Variants in SLC8A2 observed in about 807,000 individuals in gnomAD.
SLC8A2 encodes solute carrier family 8 member A2.
SLC8A2 carries 14 observed loss-of-function variants against 70.2 expected under a neutral mutation model. That is an observed-to-expected ratio of 0.20 (90% CI 0.13 to 0.31). SLC8A2 has a LOEUF of 0.31. Ranked by LOEUF, SLC8A2 falls within the 10% of genes least tolerant of loss-of-function variation. The pLI, the probability that SLC8A2 is intolerant of heterozygous loss-of-function variation, is 1.00. For synonymous variants in SLC8A2, 575 were observed against 594.3 expected (o/e 0.97, Z 0.47); for missense variants, 779 against 1,320.1 (o/e 0.59, Z 6.35).
intron 7 of SLC8A2, 121 bp from the exon 8 acceptor site, chr19:47,437,682 C>T (rs977689218): frequency 5.4e-5 from 62 of 1,142,950 alleles, no homozygotes; most frequent in South Asian, 3.8e-4. Context: ...TCCACACCCC[C>T]GTTCTGAAGG....
chr19:47,463,237 A>G (rs1354781190), intron 2 of SLC8A2, among the ~76,000 whole-genome samples: 1 of 151,418 alleles, frequency 6.6e-6, no homozygotes, highest in African/African-American at 2.4e-5. Context: ...GGTTCACGCT[A>G]TTCTCCTGCC....
At chr19:47,451,914 AGATTTG>A (rs1967239393) in intron 3 of SLC8A2, among the ~76,000 whole-genome samples, 3 of 152,192 alleles carry the variant, frequency 2.0e-5, no homozygotes, top group African/African-American at 7.2e-5. Flanking sequence ...GAGACTAAAG[AGATTTG>A]ACAGGGAAAT....
Position 47,457,070 on chromosome 19 carries a change from A to C in SLC8A2, c.1200T>G (p.Pro400=). The C allele has an allele frequency of 6.3e-7, 1 of 1,592,368 alleles. No homozygotes were observed. Among genetic ancestry groups the C allele is most frequent in the Non-Finnish European group, 8.5e-7 (1 of 1,169,888 alleles). ...DDGASRIFFE[P]SLYHCLENCG... ...AGTTCTCCAGGCAGTGGTAGAGGCT[A>C]GGCTCGAAGAAGATGCGGCTGGCGC... is the stretch of plus-strand genomic sequence containing the variant. The change falls in exon 3 of 10, where the codon CCT becomes CCG. Residue 400 remains proline, a synonymous_variant. Transcript: ENST00000236877.
chr19:47,441,842 G>A (rs548881333), intron 4 of SLC8A2, among the ~76,000 whole-genome samples: 6 of 152,266 alleles, frequency 3.9e-5, no homozygotes, highest in South Asian at 2.1e-4. Context: ...GGTGGCTCAC[G>A]CCTGTAATCC....
In SLC8A2 at chr19:47,430,904, A is replaced by G. The variant is rs980583480; in HGVS notation, c.2390-439T>C. 3.9e-5 allele frequency among the ~76,000 whole-genome samples: 6 copies of G among 151,928 alleles called. No homozygotes were observed. The highest frequency in any genetic ancestry group is 3.9e-4 in the Admixed American group (6 of 15,270). On this transcript the variant is annotated intron_variant, in intron 9 of 9. Coordinates refer to ENST00000236877, the MANE Select transcript of SLC8A2 (RefSeq NM_015063.3). This position sits in a 1 kb window ranked among gnomAD's most constrained non-coding sequence, Gnocchi z 5.9. ...CGCCCTGCTAAGATTTTGTGTTTTT[A>G]GTAGAGACGGGGTTTCACCATGTTG...
rs766548762 is a variant in SLC8A2, at chr19:47,465,859, T to C, written c.545A>G (p.Tyr182Cys). Reference protein sequence around the residue: ...NMFVVIAVCIYVIPAGESRKI... With the variant: ...NMFVVIAVCICVIPAGESRKI... ...GCGGCTCTCGCCGGCTGGGATGACG[T>C]AGATGCACACGGCGATGACCACAAA... The change falls in exon 2 of 10, where the codon TAC becomes TGC. Residue 182 changes from tyrosine (Y) to cysteine (C), a missense_variant. Physicochemically the swap from Tyr to Cys is radical, Grantham distance 194. Transcript: ENST00000236877. The surrounding 1 kb of genome is among the most constrained non-coding windows in gnomAD (Gnocchi z 5.5). The C allele has an allele frequency of 1.9e-6, 3 of 1,614,076 alleles. No homozygotes were observed. The Admixed American group carries it at 5.0e-5, about 27-fold the overall frequency.
In SLC8A2 at chr19:47,465,835, C is replaced by T; in HGVS notation, c.569G>A (p.Arg190His). 1.9e-6 allele frequency: 3 copies of T among 1,614,154 alleles called. No homozygotes were observed. Among genetic ancestry groups the T allele is most frequent in the Non-Finnish European group, 2.5e-6 (3 of 1,180,024 alleles). The change falls in exon 2 of 10, where the codon CGC becomes CAC. Residue 190 changes from arginine to histidine, a missense_variant. Arg to His is a conservative substitution (Grantham distance 29). This residue lies in a region of SLC8A2 where 155 missense variants were observed against 318.6 expected (regional missense o/e 0.49). Coordinates refer to ENST00000236877, the MANE Select transcript of SLC8A2 (RefSeq NM_015063.3). The surrounding 1 kb of genome is among the most constrained non-coding windows in gnomAD (Gnocchi z 5.5). The part of the protein sequence containing the change: ...CIYVIPAGES[R>H]KIKHLRVFFV... ...GAAGACTCTCAGGTGCTTGATCTTGCGGCTCTCGCCGGCTGGGATGACGTA... is the reference window on the plus strand; with the variant it reads ...GAAGACTCTCAGGTGCTTGATCTTGTGGCTCTCGCCGGCTGGGATGACGTA...
rs1967545276 is a variant in SLC8A2, at chr19:47,471,829, T to A, written c.-57A>T. 6.7e-6 allele frequency: 1 copy of A among 149,546 alleles called. No homozygotes were observed. The highest frequency in any genetic ancestry group is 1.5e-5 in the Non-Finnish European group (1 of 67,590). The allele number at this position is 149,546 out of a possible 1,614,324, so 9.3% of individuals were successfully genotyped here. The stretch of plus-strand genomic sequence containing the variant: ...GGAGCAGGTCCCCCCAGCGCTGGGC[T>A]GGCAGTGGTGGGCGACTCCGCCCGA... On this transcript the variant is annotated 5_prime_UTR_variant, in exon 1 of 10. Coordinates refer to ENST00000236877, the MANE Select transcript of SLC8A2 (RefSeq NM_015063.3).
intron 1 of SLC8A2, among the ~76,000 whole-genome samples, chr19:47,469,618 G>A (rs1019150472): frequency 5.9e-5 from 9 of 152,170 alleles, no homozygotes; most frequent in African/African-American, 2.2e-4. Context: ...AGCAGTCAGG[G>A]AGAGAAAGCA....
intron 8 of SLC8A2, among the ~76,000 whole-genome samples, chr19:47,436,773 G>A (rs1217367626): frequency 2.0e-5 from 3 of 152,108 alleles, no homozygotes; most frequent in East Asian, 1.9e-4. Context: ...TTCCAAGACC[G>A]TCAGTGGGTA....
chr19:47,469,877 G>A (rs1967511504), intron 1 of SLC8A2, among the ~76,000 whole-genome samples: 1 of 152,194 alleles, frequency 6.6e-6, no homozygotes. Flanking sequence ...GGCCAGCTGG[G>A]TCGGCAGTGA....
In SLC8A2 at chr19:47,441,433, G is replaced by A; in HGVS notation, c.1771C>T (p.Leu591Phe). 1.2e-6 allele frequency: 2 copies of A among 1,607,924 alleles called. No individual in the cohort carries two copies. The highest frequency in any genetic ancestry group is 1.3e-5 in the African/African-American group (1 of 74,932). Residue 591 changes from leucine (L) to phenylalanine (F), a missense_variant, in exon 5 of 10, where the codon CTT becomes TTT. Leu to Phe is a conservative substitution (Grantham distance 22, BLOSUM62 0). Coordinates refer to ENST00000236877, the MANE Select transcript of SLC8A2 (RefSeq NM_015063.3). Reference sequence around the variant, plus strand: ...TCGTCATCAACTATCTTCACCTGAAGAGTTTTCCTGTGCAGGGGGTAAGGG... The same window carrying A: ...TCGTCATCAACTATCTTCACCTGAAAAGTTTTCCTGTGCAGGGGGTAAGGG... ...EFGDDETMKTLQVKIVDDEEY... is the reference protein window; with the variant it reads ...EFGDDETMKTFQVKIVDDEEY...
rs560644570 is a variant in SLC8A2 at position 47,435,838 on chromosome 19, G to A, written c.2110+1624C>T. On this transcript the variant is annotated intron_variant, in intron 8 of 9. Coordinates refer to ENST00000236877, the MANE Select transcript of SLC8A2 (RefSeq NM_015063.3). ...GCTAGGATTACAGGCGTGAGCCACCGCACCCAGCCTCTACTGCTAGTTTCT... is the reference window on the plus strand; with the variant it reads ...GCTAGGATTACAGGCGTGAGCCACCACACCCAGCCTCTACTGCTAGTTTCT... Among the ~76,000 whole-genome samples, 4 of 152,096 alleles carry A rather than the reference G, an allele frequency of 2.6e-5. No homozygotes were observed. The South Asian group carries it at 6.2e-4, about 24-fold the overall frequency.
chr19:47,449,087 C>G (rs535363304), intron 3 of SLC8A2, among the ~76,000 whole-genome samples: 1 of 152,146 alleles, frequency 6.6e-6, no homozygotes, highest in Non-Finnish European at 1.5e-5. Context: ...GTTGGGGGAA[C>G]GGCACCAATA....
At chr19:47,452,445 A>AGAGAGAGTGTGTGT (rs1568444583) in intron 3 of SLC8A2, among the ~76,000 whole-genome samples, 1 of 54,060 alleles carries the variant, frequency 1.8e-5, no homozygotes, top group African/African-American at 9.1e-5. Flanking sequence ...AGAGAGAGAG[A>AGAGAGAGTGTGTGT]GTGTGTGTGT....
chr19:47,457,406 G>A lies in SLC8A2; in HGVS notation c.864C>T (p.Gly288=), dbSNP rs756181649. 141 of 1,574,924 alleles carry A rather than the reference G, an allele frequency of 9.0e-5. No individual in the cohort carries two copies. The highest frequency in any genetic ancestry group is 1.1e-4 in the Non-Finnish European group (131 of 1,163,244). ...KSIELDGTFV[G]AEAPGELGGL... ...CGCCCAGCTCACCTGGGGCCTCGGC[G>A]CCCACGAACGTGCCGTCCAGCTCGA... The change falls in exon 3 of 10, where the codon GGC becomes GGT. Residue 288 remains glycine, a synonymous_variant. Transcript: ENST00000236877.
At position 47,468,585 on chromosome 19, in the gene SLC8A2, G is replaced by A. The variant is rs533002104; in HGVS notation, c.-16-2166C>T. Among the ~76,000 whole-genome samples the A allele has an allele frequency of 5.3e-5, 8 of 152,194 alleles. No individual in the cohort carries two copies. In the East Asian group the frequency reaches 9.7e-4, roughly 18 times the overall value. ...TCACAGGTGCGTGCCACCGTGCCCC[G>A]CCCACTCTTCCCCTCATATCCGCTA... On this transcript the variant is annotated intron_variant, in intron 1 of 9. Transcript: ENST00000236877. The surrounding 1 kb of genome is among the most constrained non-coding windows in gnomAD (Gnocchi z 5.1).
At chr19:47,438,818 A>G (rs1287717146) in intron 6 of SLC8A2, among the ~76,000 whole-genome samples, 3 of 152,028 alleles carry the variant, frequency 2.0e-5, no homozygotes, top group Non-Finnish European at 4.4e-5. Flanking sequence ...CCCACACTCT[A>G]TCTCCAGATC....
Position 47,430,206 on chromosome 19 carries a change from G to A in SLC8A2, c.2649C>T (p.Gly883=). Reference sequence around the variant, plus strand: ...TGGGTCCGCGCGGGCCGCCCAGCTCGCCGCCGATGTGCGGCCGGCGCCGGT... The same window carrying A: ...TGGGTCCGCGCGGGCCGCCCAGCTCACCGCCGATGTGCGGCCGGCGCCGGT... ...LLYRRRPHIG[G]ELGGPRGPKL... is the part of the protein sequence containing the mutation. The change falls in exon 10 of 10, where the codon GGC becomes GGT. Residue 883 remains glycine, a synonymous_variant. Coordinates refer to ENST00000236877, the MANE Select transcript of SLC8A2 (RefSeq NM_015063.3). This position sits in a 1 kb window ranked among gnomAD's most constrained non-coding sequence, Gnocchi z 5.9. 6.2e-7 allele frequency: 1 copy of A among 1,605,302 alleles called. No homozygotes were observed. Among genetic ancestry groups the A allele is most frequent in the South Asian group, 1.1e-5 (1 of 90,336 alleles).
Sources: gnomAD v4.1 joint callset for allele counts (sites outside exome capture counted in the v4.1 genomes callset) on GRCh38, gnomAD v4.1.1 for gene constraint, gnomAD v4.1.1 regional missense constraint, Gnocchi (gnomAD v3.1) non-coding constraint, MANE v1.5 for transcripts, NCBI Gene and HGNC (gene_info 2026-07-23, HGNC 2026-07-21) for gene names.